The following MIPOL1 variants were observed in gnomAD, a reference collection of about 807,000 sequenced individuals.
The protein encoded by MIPOL1 is mirror-image polydactyly gene 1 protein.
In MIPOL1, 57 loss-of-function variants were observed where a neutral mutation model predicts 60.9. That is an observed-to-expected ratio of 0.94 (90% confidence interval 0.76 to 1.17). The LOEUF is 1.17. Ranked by LOEUF, MIPOL1 falls within the 50% of genes most tolerant of loss-of-function variation. The pLI is 0.00. For missense variants in MIPOL1, 551 were observed against 511.6 expected (o/e 1.08, Z -0.74); for synonymous variants, 179 against 168.8 (o/e 1.06, Z -0.47).
At chr14:37,374,174 A>G (rs2092712902) in intron 10 of MIPOL1, among the ~76,000 whole-genome samples, 1 of 152,142 alleles carries the variant, frequency 6.6e-6, no homozygotes, top group Non-Finnish European at 1.5e-5. Flanking sequence ...GGCTGCATAA[A>G]TGTCTTCTTT....
rs28450478 is a variant in MIPOL1 at position 37,446,978 on chromosome 14, T to G, written c.1031+24029T>G. ...TTAGGAGATATACCTAATGCTAAAT[T>G]ACGAGTTAATGGGTGCAGCACACCA... is the stretch of plus-strand genomic sequence containing the variant. On this transcript the variant is annotated intron_variant, in intron 11 of 12. Transcript: ENST00000684589. Among the ~76,000 whole-genome samples the G allele has an allele frequency of 3.7e-3, 569 of 151,812 alleles. 1 individual carries two copies. The highest frequency in any genetic ancestry group is 0.012 in the African/African-American group (515 of 41,368).
intron 7 of MIPOL1, among the ~76,000 whole-genome samples, chr14:37,292,490 T>TTTTTTTA (rs3061931): frequency 2.1e-5 from 2 of 96,768 alleles, no homozygotes; most frequent in Admixed American, 1.2e-4. Context: ...TTTTTTTTTT[T>TTTTTTTA]GAGAAGGAGT....
At chr14:37,489,877 G>A (rs140789875) in intron 11 of MIPOL1, among the ~76,000 whole-genome samples, 20 of 152,286 alleles carry the variant, frequency 1.3e-4, no homozygotes, top group African/African-American at 4.6e-4. Flanking sequence ...CCTGTATGAG[G>A]TGTCTGTCAG....
intron 12 of MIPOL1, among the ~76,000 whole-genome samples, chr14:37,543,198 T>C (rs1445653024): frequency 6.6e-6 from 1 of 152,236 alleles, no homozygotes; most frequent in African/African-American, 2.4e-5. Context: ...TGCATCTCCT[T>C]CTTTCCATCT....
intron 1 of MIPOL1, among the ~76,000 whole-genome samples, chr14:37,204,000 T>C (rs1051701958): frequency 6.6e-6 from 1 of 152,090 alleles, no homozygotes; most frequent in Admixed American, 6.5e-5. Flanking sequence ...GCCAGGATGG[T>C]CTTGATCTCC....
At chr14:37,404,199 TTTGC>T (rs1332335001) in intron 10 of MIPOL1, among the ~76,000 whole-genome samples, 6 of 152,330 alleles carry the variant, frequency 3.9e-5, no homozygotes, top group Non-Finnish European at 4.4e-5. Context: ...TTATTTTTTG[TTTGC>T]TTGCTTGTTT....
At chr14:37,491,236 T>TG (rs1258720806) in intron 11 of MIPOL1, among the ~76,000 whole-genome samples, 1 of 152,188 alleles carries the variant, frequency 6.6e-6, no homozygotes, top group Non-Finnish European at 1.5e-5. Flanking sequence ...ATTTAATAGT[T>TG]GGATATTTCT....
Position 37,311,214 on chromosome 14 carries a change from A to G in MIPOL1, c.828+2695A>G, listed in dbSNP as rs530175281. On this transcript the variant is annotated intron_variant, in intron 9 of 12. Coordinates refer to ENST00000684589, the MANE Select transcript of MIPOL1 (RefSeq NM_001388067.1). ...ATACCTTTAGGCAGATGATTTTTGC[A>G]TTAAATCTGGCTTTTCTTGTTCTTG... is the stretch of plus-strand genomic sequence containing the variant. Among the ~76,000 whole-genome samples the G allele has an allele frequency of 1.3e-3, 196 of 152,302 alleles. 1 individual carries two copies. Among genetic ancestry groups the G allele is most frequent in the African/African-American group, 4.6e-3 (190 of 41,560 alleles).
chr14:37,460,790 T>C (rs1430221129), intron 11 of MIPOL1, among the ~76,000 whole-genome samples: 1 of 152,088 alleles, frequency 6.6e-6, no homozygotes, highest in Non-Finnish European at 1.5e-5. Flanking sequence ...CCTAGGAATA[T>C]GCTTAACCAA....
chr14:37,214,171 C>T (rs59544181), intron 1 of MIPOL1, among the ~76,000 whole-genome samples: 6,664 of 152,160 alleles, frequency 0.044, 335 homozygotes, highest in African/African-American at 0.12. Flanking sequence ...CAGAAAACCA[C>T]AGAATACTAT....
intron 10 of MIPOL1, among the ~76,000 whole-genome samples, chr14:37,411,368 C>G (rs1170716546): frequency 3.9e-5 from 6 of 152,060 alleles, no homozygotes; most frequent in African/African-American, 7.2e-5. Context: ...AGAACCTGTT[C>G]TAGAAAAGCG....
At chr14:37,363,756 C>T (rs2092369901) in intron 9 of MIPOL1, among the ~76,000 whole-genome samples, 1 of 152,178 alleles carries the variant, frequency 6.6e-6, no homozygotes, top group South Asian at 2.1e-4. Flanking sequence ...TGTATAGATG[C>T]AGTAGGCCTT....
intron 10 of MIPOL1, among the ~76,000 whole-genome samples, chr14:37,403,759 T>G (rs1358667496): frequency 6.6e-6 from 1 of 152,188 alleles, no homozygotes; most frequent in Non-Finnish European, 1.5e-5. Flanking sequence ...ACTGAGGTGT[T>G]AAAAACTGAT....
chr14:37,499,187 G>GTA (rs1232220981), intron 11 of MIPOL1, among the ~76,000 whole-genome samples: 1 of 152,096 alleles, frequency 6.6e-6, no homozygotes, highest in African/African-American at 2.4e-5. Context: ...GGTGGTAGGT[G>GTA]TAATGACATA....
chr14:37,363,130 C>G (rs1258550311), intron 9 of MIPOL1, among the ~76,000 whole-genome samples: 1 of 152,144 alleles, frequency 6.6e-6, no homozygotes, highest in African/African-American at 2.4e-5. Context: ...CAAAGTCATT[C>G]TGCATCTAGC....
intron 7 of MIPOL1, among the ~76,000 whole-genome samples, chr14:37,297,528 G>C (rs1319400453): frequency 1.3e-5 from 2 of 152,178 alleles, no homozygotes; most frequent in Non-Finnish European, 2.9e-5. Flanking sequence ...CCTGTTTGCA[G>C]ATGACATGAT....
chr14:37,514,992 G>A (rs747698225), intron 12 of MIPOL1, among the ~76,000 whole-genome samples: 2 of 152,096 alleles, frequency 1.3e-5, no homozygotes, highest in South Asian at 2.1e-4. Context: ...CTAAGATTCC[G>A]TAATTGGTTA....
chr14:37,368,338 TC>T (rs1274656153), intron 9 of MIPOL1, among the ~76,000 whole-genome samples: 1 of 77,830 alleles, frequency 1.3e-5, no homozygotes, highest in Admixed American at 1.8e-4. Flanking sequence ...TAAGACTTTT[TC>T]TTCTAAAACA....
At chr14:37,324,024 A>G (rs1197248843) in intron 9 of MIPOL1, among the ~76,000 whole-genome samples, 2 of 152,042 alleles carry the variant, frequency 1.3e-5, no homozygotes, top group African/African-American at 4.8e-5. Flanking sequence ...TGCCATGAGA[A>G]TTCTTGTATA....
Sources: gnomAD v4.1 joint callset for allele counts (sites outside exome capture counted in the v4.1 genomes callset) on GRCh38, gnomAD v4.1.1 for gene constraint, MANE v1.5 for transcripts, NCBI Gene and HGNC (gene_info 2026-07-23, HGNC 2026-07-21) for gene names.